FRMD4A: variants seen among roughly 807,000 people sequenced by gnomAD.
FRMD4A encodes the protein FERM domain-containing protein 4A.
In FRMD4A, 29 loss-of-function variants were observed where a neutral mutation model predicts 129.1. That is an observed-to-expected ratio of 0.22 (90% confidence interval 0.17 to 0.31). The LOEUF (loss-of-function observed/expected upper bound fraction) is 0.31. Among genes scored for constraint, FRMD4A ranks in the 10% least tolerant of loss-of-function variants. The pLI, the probability that FRMD4A is intolerant of heterozygous loss-of-function variation, is 1.00. For missense variants in FRMD4A, 1,272 were observed against 1,375.8 expected, an observed-to-expected ratio of 0.92 and a Z score of 1.19; for synonymous variants, 634 against 571.6, an observed-to-expected ratio of 1.11 and a Z score of -1.56.
At chr10:13,666,577 C>T (rs2083055298) in intron 17 of FRMD4A, among the ~76,000 whole-genome samples, 1 of 152,194 alleles carries the variant, frequency 6.6e-6, no homozygotes, top group Non-Finnish European at 1.5e-5. Context: ...TCCCACGATG[C>T]AGGTTTAGGG....
chr10:13,902,077 C>T (rs1187795508), intron 2 of FRMD4A, among the ~76,000 whole-genome samples: 2 of 152,260 alleles, frequency 1.3e-5, no homozygotes, highest in East Asian at 1.9e-4. Context: ...AGTACAGTGG[C>T]GTGATCATAG....
chr10:13,750,069 G>GAAGAAAGAAAGAAAGA (rs1185474605), intron 8 of FRMD4A, among the ~76,000 whole-genome samples: 1,569 of 55,548 alleles, frequency 0.028, 72 homozygotes, highest in East Asian at 0.045. Flanking sequence ...AGGAAGGAAG[G>GAAGAAAGAAAGAAAGA]AAGAAAGAAA....
chr10:14,319,627 C>T (rs900099127), intron 2 of FRMD4A, among the ~76,000 whole-genome samples: 4 of 152,162 alleles, frequency 2.6e-5, no homozygotes, highest in African/African-American at 9.7e-5. Flanking sequence ...CAAACACTGT[C>T]TTGCATCACA....
intron 2 of FRMD4A, among the ~76,000 whole-genome samples, chr10:14,036,086 A>C (rs1833489700): frequency 6.6e-6 from 1 of 152,016 alleles, no homozygotes; most frequent in Non-Finnish European, 1.5e-5. Flanking sequence ...AGGAGGATGC[A>C]GTAAGGATTA....
intron 2 of FRMD4A, among the ~76,000 whole-genome samples, chr10:13,868,268 T>A (rs1236338927): frequency 6.6e-6 from 1 of 152,076 alleles, no homozygotes; most frequent in East Asian, 1.9e-4. Context: ...TAACCATTTT[T>A]ATTATCATTG....
intron 2 of FRMD4A, among the ~76,000 whole-genome samples, chr10:13,871,634 G>A (rs1345514525): frequency 6.6e-6 from 1 of 152,168 alleles, no homozygotes; most frequent in Non-Finnish European, 1.5e-5. Context: ...ACTCTGCCGG[G>A]TTCTCCCTGC....
At chr10:14,027,915 C>A (rs910456354) in intron 2 of FRMD4A, among the ~76,000 whole-genome samples, 1 of 152,146 alleles carries the variant, frequency 6.6e-6, no homozygotes, top group Non-Finnish European at 1.5e-5. Flanking sequence ...ATCATGAATT[C>A]GGATTTTAGT....
chr10:13,756,766 G>C (rs998792619), intron 8 of FRMD4A, among the ~76,000 whole-genome samples: 2 of 152,164 alleles, frequency 1.3e-5, no homozygotes, highest in Non-Finnish European at 2.9e-5. Flanking sequence ...GAGATTGGCT[G>C]ATAAGGTTTT....
intron 12 of FRMD4A, among the ~76,000 whole-genome samples, chr10:13,713,289 A>G (rs1486005899): frequency 6.6e-6 from 1 of 152,192 alleles, no homozygotes; most frequent in African/African-American, 2.4e-5. Flanking sequence ...TTAAATAAGT[A>G]ATTGATGATG....
At position 13,760,406 on chromosome 10, in the gene FRMD4A, C is replaced by T. The variant is rs913931160; in HGVS notation, c.464+1241G>A. Among the ~76,000 whole-genome samples, 82 of 152,174 alleles carry T rather than the reference C, an allele frequency of 5.4e-4. 1 individual carries two copies. The highest frequency in any genetic ancestry group is 2.0e-3 in the African/African-American group (82 of 41,526). ...CAGTGACTCATGCCTGTAGTCCCAG[C>T]AACTTGGGAGGCTGAGGCAGGAGGA... On this transcript the variant is annotated intron_variant, in intron 8 of 24. Transcript: ENST00000357447.
At chr10:14,205,301 G>C (rs1201323336) in intron 2 of FRMD4A, among the ~76,000 whole-genome samples, 1 of 152,000 alleles carries the variant, frequency 6.6e-6, no homozygotes, top group Non-Finnish European at 1.5e-5. Flanking sequence ...TACTGAATTG[G>C]CCAACACAGA....
chr10:13,682,415 T>C (rs1473995167), intron 15 of FRMD4A, among the ~76,000 whole-genome samples: 1 of 152,054 alleles, frequency 6.6e-6, no homozygotes. Context: ...AATGAGTTTT[T>C]AGAGAACTCC....
rs1281764490 is a variant in FRMD4A at position 13,656,725 on chromosome 10, C to A, written c.2864G>T (p.Ser955Ile). ...GGAGGAGGTGCTGTACTGCGAGCCG[C>A]TGTCCGAGGAGGTGGAGCTGGTGTG... Reference protein sequence around the residue: ...LSHTSSTSSDSGSQYSTSSQS... With the variant: ...LSHTSSTSSDIGSQYSTSSQS... The change falls in exon 22 of 25, where the codon AGC (serine) becomes ATC (isoleucine). Residue 955 changes from serine to isoleucine, a missense_variant. Around this residue, in one of 2 missense-constraint regions of FRMD4A, gnomAD observed 972 missense variants for 892.3 expected, o/e 1.09. Coordinates refer to ENST00000357447, the MANE Select transcript of FRMD4A (RefSeq NM_018027.5). 6.3e-7 allele frequency: 1 copy of A among 1,590,736 alleles called. No individual in the cohort carries two copies. Among genetic ancestry groups the A allele is most frequent in the Admixed American group, 1.7e-5 (1 of 57,452 alleles).
chr10:13,959,159 G>A (rs1375296310), intron 2 of FRMD4A, among the ~76,000 whole-genome samples: 2 of 152,256 alleles, frequency 1.3e-5, no homozygotes, highest in Middle Eastern at 3.4e-3. Flanking sequence ...GATCATCAGA[G>A]AATGTCTATC....
chr10:14,146,999 A>C (rs1266223643), intron 2 of FRMD4A, among the ~76,000 whole-genome samples: 1 of 152,240 alleles, frequency 6.6e-6, no homozygotes, highest in Admixed American at 6.5e-5. Flanking sequence ...GTAGATATGC[A>C]TGTCTTTAAG....
At chr10:13,995,579 T>C (rs916207503) in intron 2 of FRMD4A, among the ~76,000 whole-genome samples, 1 of 152,176 alleles carries the variant, frequency 6.6e-6, no homozygotes, top group Admixed American at 6.5e-5. Context: ...AGCAAGACTC[T>C]GTCTCAGACA....
Position 13,657,038 on chromosome 10 carries a change from G to A in FRMD4A, c.2551C>T (p.Arg851Cys). ...CCCTCCTGGTCGCTCTCCAGGCTGC[G>A]CACCACCACGGGCGTGGCGCCGCCC... ...IEGGATPVVVRSLESDQEGHY... is the reference protein window; with the variant it reads ...IEGGATPVVVCSLESDQEGHY... Residue 851 changes from arginine (R) to cysteine (C), a missense_variant, in exon 22 of 25, where the codon CGC becomes TGC. By Grantham distance (180) the Arg-to-Cys change is radical. Coordinates refer to ENST00000357447, the MANE Select transcript of FRMD4A (RefSeq NM_018027.5). 1.3e-6 allele frequency: 2 copies of A among 1,570,602 alleles called. No individual in the cohort carries two copies. Among genetic ancestry groups the A allele is most frequent in the Non-Finnish European group, 8.6e-7 (1 of 1,165,222 alleles).
intron 2 of FRMD4A, among the ~76,000 whole-genome samples, chr10:13,892,375 T>C (rs771936677): frequency 6.6e-6 from 1 of 152,126 alleles, no homozygotes; most frequent in East Asian, 1.9e-4. Flanking sequence ...AACCGAGGCA[T>C]GTGGCTATTG....
At position 14,096,355 on chromosome 10, in the gene FRMD4A, A is replaced by G. The variant is rs540534675; in HGVS notation, c.45+233703T>C. 1.8e-3 allele frequency among the ~76,000 whole-genome samples: 273 copies of G among 152,288 alleles called. 1 individual carries two copies. The highest frequency in any genetic ancestry group is 3.3e-3 in the Non-Finnish European group (222 of 68,022). On this transcript the variant is annotated intron_variant, in intron 2 of 24. Transcript: ENST00000357447. The stretch of plus-strand genomic sequence containing the variant: ...TGTGAGCGATCAATTTCTGTTGCTT[A>G]TAAACTACCCAATCCAAGATATTTT...
Sources: gnomAD v4.1 joint callset for allele counts (sites outside exome capture counted in the v4.1 genomes callset) on GRCh38, gnomAD v4.1.1 for gene constraint, gnomAD v4.1.1 regional missense constraint, MANE v1.5 for transcripts, NCBI Gene and HGNC (gene_info 2026-07-23, HGNC 2026-07-21) for gene names.